Variants in MOB1B observed in about 807,000 individuals in gnomAD.
The protein encoded by MOB1B is MOB kinase activator 1B, also known as MOB1 Mps One Binder homolog B.
Under a neutral mutation model 24.4 loss-of-function variants are expected in MOB1B, and 19 were observed. The observed-to-expected ratio is 0.78, with a 90% confidence interval of 0.54 to 1.14. The LOEUF is 1.14. MOB1B is among the 50% of genes most tolerant of loss of function. The pLI, the probability that MOB1B is intolerant of heterozygous loss-of-function variation, is 0.00. For missense variants in MOB1B, 243 were observed against 259.6 expected (o/e 0.94, Z 0.44); for synonymous variants, 76 against 82.1 (o/e 0.93, Z 0.40).
chr4:70,902,207 A>C (rs1300734017), upstream of MOB1B: 1 of 485,382 alleles, frequency 2.1e-6, no homozygotes, highest in Non-Finnish European at 3.7e-6. Flanking sequence ...CCGCAGCCGG[A>C]GGGCCGGGGT....
At chr4:70,909,879 C>T (rs1735903913) in intron 1 of MOB1B, among the ~76,000 whole-genome samples, 1 of 152,086 alleles carries the variant, frequency 6.6e-6, no homozygotes, top group Non-Finnish European at 1.5e-5. Context: ...AGGTGCCCTT[C>T]ACCATTACAG....
intron 1 of MOB1B, among the ~76,000 whole-genome samples, chr4:70,945,495 A>G (rs1737536295): frequency 6.6e-6 from 1 of 152,168 alleles, no homozygotes; most frequent in Admixed American, 6.5e-5. Flanking sequence ...CTGCATGCAT[A>G]CTCTGTACTA....
intron 1 of MOB1B, among the ~76,000 whole-genome samples, chr4:70,908,682 G>A (rs1735853058): frequency 6.6e-6 from 1 of 151,536 alleles, no homozygotes; most frequent in Non-Finnish European, 1.5e-5. Context: ...GGCTGAGGCA[G>A]TGGAATTGCT....
At chr4:70,972,395 G>A (rs934925650) in intron 3 of MOB1B, among the ~76,000 whole-genome samples, 2 of 151,774 alleles carry the variant, frequency 1.3e-5, no homozygotes, top group African/African-American at 4.8e-5. Flanking sequence ...TGTATTTTTA[G>A]TATAGACGGG....
intron 3 of MOB1B, among the ~76,000 whole-genome samples, chr4:70,971,287 C>A (rs1387354166): frequency 6.6e-6 from 1 of 152,122 alleles, no homozygotes; most frequent in African/African-American, 2.4e-5. Flanking sequence ...CAGATCATCA[C>A]CTGAGATCGG....
intron 1 of MOB1B, among the ~76,000 whole-genome samples, chr4:70,919,247 A>G (rs955027187): frequency 6.6e-6 from 1 of 152,028 alleles, no homozygotes; most frequent in Admixed American, 6.6e-5. Flanking sequence ...AGCATGGCAC[A>G]TGTATACATA....
intron 1 of MOB1B, among the ~76,000 whole-genome samples, chr4:70,912,570 G>A (rs921290722): frequency 8.5e-5 from 13 of 152,140 alleles, no homozygotes; most frequent in Admixed American, 7.9e-4. Flanking sequence ...GAGCCACCAC[G>A]CCCGGCCTTA....
chr4:70,919,138 T>G (rs1232117555), intron 1 of MOB1B, among the ~76,000 whole-genome samples: 1 of 149,924 alleles, frequency 6.7e-6, no homozygotes. Flanking sequence ...AAGGGGAACA[T>G]CACACTCTGG....
chr4:70,961,503 C>T (rs1679602097), intron 2 of MOB1B, among the ~76,000 whole-genome samples: 1 of 152,092 alleles, frequency 6.6e-6, no homozygotes, highest in South Asian at 2.1e-4. Flanking sequence ...TAACTGAAAC[C>T]ATGGATAGTG....
chr4:70,946,255 CA>C (rs1737577404), intron 1 of MOB1B, among the ~76,000 whole-genome samples: 1 of 152,060 alleles, frequency 6.6e-6, no homozygotes, highest in Admixed American at 6.5e-5. Context: ...ATAAAGATGA[CA>C]GATTGATCCT....
Position 70,941,598 on chromosome 4 carries a change from C to T in MOB1B, c.15-17276C>T, listed in dbSNP as rs572456394. Among the ~76,000 whole-genome samples the T allele has an allele frequency of 1.3e-3, 203 of 152,252 alleles. 2 individuals carry two copies. The highest frequency in any genetic ancestry group is 4.5e-3 in the African/African-American group (185 of 41,538). ...CCTTGTGATCCGCCCGTCTCGGCCT[C>T]CCAAAGTGCTGGGATTACAGGTGTG... On this transcript the variant is annotated intron_variant, in intron 1 of 5. Transcript: ENST00000309395.
chr4:70,969,790 T>C, intron 2 of MOB1B, 141 bp from the exon 3 acceptor site: 1 of 480,008 alleles, frequency 2.1e-6, no homozygotes, highest in East Asian at 3.3e-5. Context: ...CATTTCAATG[T>C]ATTGATACTT....
In MOB1B at chr4:70,979,279, T is replaced by A. The variant is rs1163927733; in HGVS notation, c.561T>A (p.Ile187=). 1.9e-6 allele frequency: 3 copies of A among 1,613,156 alleles called. No homozygotes were observed. In the South Asian group the frequency reaches 3.3e-5, roughly 18 times the overall value. The change falls in exon 5 of 6, where the codon ATT becomes ATA. Residue 187 remains isoleucine, a synonymous_variant. Transcript: ENST00000309395. ...TAAATACATCTTTCAAGCACTTTAT[T>A]TTTTTTGTCCAGGTAAGTTGGATTA... is the stretch of plus-strand genomic sequence containing the variant. ...AHLNTSFKHF[I]FFVQEFNLID... is the part of the protein sequence containing the mutation.
At chr4:70,930,232 A>G (rs1736837149) in intron 1 of MOB1B, among the ~76,000 whole-genome samples, 2 of 152,090 alleles carry the variant, frequency 1.3e-5, no homozygotes, top group African/African-American at 4.8e-5. Context: ...ATATTTTACT[A>G]CAGGCAATAA....
At chr4:70,920,301 A>C (rs1736380165) in intron 1 of MOB1B, among the ~76,000 whole-genome samples, 2 of 151,526 alleles carry the variant, frequency 1.3e-5, no homozygotes. Context: ...CTCTCCGCTC[A>C]CTGCACCTCT....
chr4:70,981,923 A>G, intron 5 of MOB1B, 57 bp from the exon 6 acceptor site: 1 of 1,118,044 alleles, frequency 8.9e-7, no homozygotes, highest in Non-Finnish European at 1.4e-6. Context: ...TTACTTTGGA[A>G]TAAGATGCAA....
At chr4:70,921,310 C>T (rs1736426697) in intron 1 of MOB1B, among the ~76,000 whole-genome samples, 1 of 152,116 alleles carries the variant, frequency 6.6e-6, no homozygotes, top group Admixed American at 6.6e-5. Flanking sequence ...CCAGTAAGTA[C>T]TCCAGTGCCA....
chr4:70,968,171 A>G (rs1457764139), intron 2 of MOB1B, among the ~76,000 whole-genome samples: 1 of 151,824 alleles, frequency 6.6e-6, no homozygotes, highest in African/African-American at 2.4e-5. Context: ...TAAGAAATTT[A>G]TACATGTCAA....
chr4:70,932,269 A>G (rs1032506225), intron 1 of MOB1B, among the ~76,000 whole-genome samples: 3 of 152,192 alleles, frequency 2.0e-5, no homozygotes, highest in Admixed American at 6.6e-5. Flanking sequence ...TGTAGATTAT[A>G]TGATTTGCAA....
Sources: allele counts gnomAD v4.1 joint callset (sites outside exome capture counted in the v4.1 genomes callset), GRCh38; gene constraint gnomAD v4.1.1; transcripts MANE v1.5; gene names NCBI Gene and HGNC (gene_info 2026-07-23, HGNC 2026-07-21).